ANKFN1: variants seen among roughly 807,000 people sequenced by gnomAD.
The protein encoded by ANKFN1 is ankyrin repeat and fibronectin type-III domain-containing protein 1.
A neutral mutation model predicts 108.7 loss-of-function variants in ANKFN1; 74 were observed. That is an observed-to-expected ratio of 0.68 (90% CI 0.56 to 0.83). ANKFN1 has a LOEUF of 0.83. Among genes scored for constraint, ANKFN1 ranks in the 40% least tolerant of loss-of-function variants. The pLI is 0.00. For missense variants in ANKFN1, 1,505 were observed against 1,382.3 expected, an observed-to-expected ratio of 1.09 and a Z score of -1.41; for synonymous variants, 547 against 516.2, an observed-to-expected ratio of 1.06 and a Z score of -0.81.
chr17:56,223,501 C>T (rs1916034614), intron 2 of ANKFN1, among the ~76,000 whole-genome samples: 1 of 152,080 alleles, frequency 6.6e-6, no homozygotes, highest in Admixed American at 6.6e-5. Flanking sequence ...TCAGCAAAGG[C>T]ACAGAGTCAA....
chr17:56,493,930 T>A (rs2051117355), intron 19 of ANKFN1, among the ~76,000 whole-genome samples: 1 of 152,128 alleles, frequency 6.6e-6, no homozygotes, highest in Non-Finnish European at 1.5e-5. Flanking sequence ...AATCTCCTCA[T>A]CTGTAAAATA....
chr17:56,502,935 T>A (rs1362725660), intron 20 of ANKFN1, among the ~76,000 whole-genome samples: 1 of 152,246 alleles, frequency 6.6e-6, no homozygotes, highest in Non-Finnish European at 1.5e-5. Flanking sequence ...TTCCCATTTC[T>A]GTGTGGTTTT....
chr17:56,504,259 C>G (rs1004591946), intron 20 of ANKFN1, among the ~76,000 whole-genome samples: 12 of 152,192 alleles, frequency 7.9e-5, no homozygotes, highest in African/African-American at 2.4e-4. Context: ...TATTCAAGCT[C>G]TTTTGTATCT....
At chr17:56,371,109 G>A (rs1038582047) in intron 6 of ANKFN1, among the ~76,000 whole-genome samples, 44 of 151,904 alleles carry the variant, frequency 2.9e-4, no homozygotes, top group Admixed American at 2.9e-3. Context: ...ATATTTATTT[G>A]TTTATTTTTC....
intron 3 of ANKFN1, among the ~76,000 whole-genome samples, chr17:56,317,195 C>T (rs1048352029): frequency 5.0e-4 from 76 of 152,210 alleles, no homozygotes; most frequent in Admixed American, 1.6e-3. Context: ...TGACTTTCAA[C>T]GTCATCTAGC....
At chr17:56,065,718 C>T (rs1046429328) in intron 4 of ANKFN1, among the ~76,000 whole-genome samples, 1 of 152,156 alleles carries the variant, frequency 6.6e-6, no homozygotes. Flanking sequence ...TTTAAGTTAT[C>T]TGTCTCATAT....
intron 3 of ANKFN1, among the ~76,000 whole-genome samples, chr17:56,264,994 T>TA (rs1172003500): frequency 6.6e-6 from 1 of 152,178 alleles, no homozygotes; most frequent in Non-Finnish European, 1.5e-5. Context: ...TAACCCCATC[T>TA]AAATTATACC....
intron 20 of ANKFN1, among the ~76,000 whole-genome samples, chr17:56,506,310 C>G (rs901235374): frequency 6.8e-6 from 1 of 146,552 alleles, no homozygotes; most frequent in African/African-American, 2.5e-5. Flanking sequence ...AATTAAAGAT[C>G]TTGTGATGAG....
At chr17:56,269,708 A>G (rs961611604) in intron 3 of ANKFN1, among the ~76,000 whole-genome samples, 3 of 152,236 alleles carry the variant, frequency 2.0e-5, no homozygotes, top group Non-Finnish European at 4.4e-5. Flanking sequence ...GAAACAAGGA[A>G]TACTAGGGAC....
Position 56,492,177 on chromosome 17 carries a change from C to T in ANKFN1, c.2261-10C>T. On this transcript the variant is annotated splice_polypyrimidine_tract_variant and intron_variant, in intron 18 of 20. Coordinates refer to ENST00000682825, the MANE Select transcript of ANKFN1 (RefSeq NM_001370326.1). The stretch of plus-strand genomic sequence containing the variant: ...CTTAACATGTTTTATTTTGCTTGTC[C>T]ATTTTCCAGTTCATTTTTGCAGCTA... 1 of 693,194 alleles carries T rather than the reference C, an allele frequency of 1.4e-6. No homozygotes were observed. Among genetic ancestry groups the T allele is most frequent in the Non-Finnish European group, 2.7e-6 (1 of 377,142 alleles). 42.9% of individuals were successfully genotyped at this position (693,194 alleles called of 1,614,324 possible).
chr17:56,352,566 G>A (rs763791580), intron 5 of ANKFN1, among the ~76,000 whole-genome samples: 10 of 152,100 alleles, frequency 6.6e-5, no homozygotes, highest in Admixed American at 2.0e-4. Context: ...AAAGAATTCC[G>A]GAGTTCTTCT....
chr17:56,200,661 G>A (rs113233921), intron 1 of ANKFN1, among the ~76,000 whole-genome samples: 448 of 152,262 alleles, frequency 2.9e-3, no homozygotes, highest in Non-Finnish European at 4.6e-3. Flanking sequence ...CAGTCTTCAA[G>A]ACCAGCGTCC....
chr17:56,201,515 A>T (rs1434226836), intron 1 of ANKFN1, among the ~76,000 whole-genome samples: 1 of 152,230 alleles, frequency 6.6e-6, no homozygotes, highest in East Asian at 1.9e-4. Flanking sequence ...CCCCATAAGA[A>T]TCCAGCAGCA....
At chr17:56,195,089 T>A (rs1164902640) in intron 1 of ANKFN1, among the ~76,000 whole-genome samples, 1 of 152,156 alleles carries the variant, frequency 6.6e-6, no homozygotes, top group Admixed American at 6.5e-5. Flanking sequence ...TGCATTACAA[T>A]GAATATTTGA....
At chr17:56,454,042 G>T (rs2049591894) in intron 11 of ANKFN1, among the ~76,000 whole-genome samples, 1 of 152,108 alleles carries the variant, frequency 6.6e-6, no homozygotes, top group Admixed American at 6.6e-5. Context: ...TCAATTGTGA[G>T]ACATTTTCTT....
intron 3 of ANKFN1, chr17:56,252,404 G>T (rs549699656): frequency 6.6e-6 from 1 of 152,326 alleles, no homozygotes; most frequent in Non-Finnish European, 1.5e-5. Flanking sequence ...TTATTTGTTT[G>T]CTTGTTTGGT....
At chr17:56,485,102 A>C (rs1210739734) in intron 18 of ANKFN1, among the ~76,000 whole-genome samples, 1 of 152,240 alleles carries the variant, frequency 6.6e-6, no homozygotes, top group Non-Finnish European at 1.5e-5. Context: ...TCATCAATAA[A>C]TATTCATTGA....
intron 1 of ANKFN1, among the ~76,000 whole-genome samples, chr17:56,205,744 A>C (rs1914480183): frequency 6.6e-6 from 1 of 152,128 alleles, no homozygotes; most frequent in African/African-American, 2.4e-5. Context: ...ATATCTATAG[A>C]GTGTTAAAAT....
intron 3 of ANKFN1, among the ~76,000 whole-genome samples, chr17:56,267,628 C>T (rs552974950): frequency 1.3e-5 from 2 of 152,294 alleles, no homozygotes; most frequent in East Asian, 3.9e-4. Context: ...GCAGTTATCC[C>T]AGCACCATTT....
Sources: allele counts gnomAD v4.1 joint callset (sites outside exome capture counted in the v4.1 genomes callset), GRCh38; gene constraint gnomAD v4.1.1; transcripts MANE v1.5; gene names NCBI Gene and HGNC (gene_info 2026-07-23, HGNC 2026-07-21).